RASGRF2: variants seen among roughly 807,000 people sequenced by gnomAD.
RASGRF2 encodes ras-specific guanine nucleotide-releasing factor 2.
A neutral mutation model predicts 151.0 loss-of-function variants in RASGRF2; 76 were observed. The observed-to-expected ratio is 0.50, with a 90% CI of 0.42 to 0.61. RASGRF2 has a LOEUF of 0.61. Among genes scored for constraint, RASGRF2 ranks in the 20% least tolerant of loss-of-function variants. The pLI, the probability that RASGRF2 is intolerant of heterozygous loss-of-function variation, is 0.00. For missense variants in RASGRF2, 1,148 were observed against 1,564.6 expected (o/e 0.73, Z 4.49); for synonymous variants, 504 against 566.5 (o/e 0.89, Z 1.57).
chr5:81,182,709 C>T (rs1754945949), intron 18 of RASGRF2, among the ~76,000 whole-genome samples: 1 of 152,204 alleles, frequency 6.6e-6, no homozygotes, highest in Non-Finnish European at 1.5e-5. Flanking sequence ...ACTGCCTCCT[C>T]TCACCAACTG....
chr5:81,126,440 T>G (rs1488378989), intron 16 of RASGRF2, among the ~76,000 whole-genome samples: 1 of 152,146 alleles, frequency 6.6e-6, no homozygotes, highest in South Asian at 2.1e-4. Flanking sequence ...TTTTTTTAAT[T>G]TAATATATTC....
At chr5:81,085,349 G>A (rs1214091405) in intron 7 of RASGRF2, among the ~76,000 whole-genome samples, 1 of 152,206 alleles carries the variant, frequency 6.6e-6, no homozygotes, top group African/African-American at 2.4e-5. Flanking sequence ...TAATAAAGGT[G>A]AACATGTCTT....
intron 9 of RASGRF2, 42 bp downstream of exon 9, chr5:81,086,995 C>A: frequency 6.6e-7 from 1 of 1,518,742 alleles, no homozygotes; most frequent in Non-Finnish European, 9.1e-7. Flanking sequence ...ATGCGCTGTG[C>A]GGCTGTCACA....
chr5:81,184,836 T>C (rs1443131966), intron 18 of RASGRF2, among the ~76,000 whole-genome samples: 1 of 152,204 alleles, frequency 6.6e-6, no homozygotes, highest in African/African-American at 2.4e-5. Flanking sequence ...TTGGGGTAGG[T>C]GTGGGAGTGA....
At chr5:81,070,797 G>A (rs1751751255) in intron 4 of RASGRF2, among the ~76,000 whole-genome samples, 1 of 152,038 alleles carries the variant, frequency 6.6e-6, no homozygotes, top group Non-Finnish European at 1.5e-5. Flanking sequence ...GCCAAAACCA[G>A]GCATTAAGAC....
At chr5:81,033,257 A>G (rs1310420082) in intron 1 of RASGRF2, among the ~76,000 whole-genome samples, 3 of 147,926 alleles carry the variant, frequency 2.0e-5, no homozygotes, top group Non-Finnish European at 4.5e-5. Flanking sequence ...CATCCCCATC[A>G]AGCTACCAAT....
At chr5:81,113,361 T>A (rs1753054142) in intron 14 of RASGRF2, 177 bp from the exon 15 acceptor site, 1 of 718,770 alleles carries the variant, frequency 1.4e-6, no homozygotes. Context: ...CTAATAAGTG[T>A]CTGTGCTTCT....
In RASGRF2 at chr5:80,960,591, C is replaced by T; in HGVS notation, c.-148C>T. On this transcript the variant is annotated 5_prime_UTR_variant, in exon 1 of 27. Coordinates refer to ENST00000265080, the MANE Select transcript of RASGRF2 (RefSeq NM_006909.3). This position sits in a 1 kb window ranked among gnomAD's most constrained non-coding sequence, Gnocchi z 5.5. ...CGCGCCGCGGCCTCCCGAAAGCGGG[C>T]GGGGTGCCCTGCGCGCGGCGTGGGG... The T allele has an allele frequency of 1.4e-6, 1 of 738,574 alleles. No homozygotes were observed. The highest frequency in any genetic ancestry group is 1.8e-6 in the Non-Finnish European group (1 of 544,034). 45.8% of individuals were successfully genotyped at this position (738,574 alleles called of 1,614,324 possible). A position where few individuals can be genotyped will look rare whatever the true frequency, so the allele number is the denominator to read the frequency against.
Position 81,208,352 on chromosome 5 carries a change from A to G in RASGRF2, c.3072-2A>G. 6.2e-7 allele frequency: 1 copy of G among 1,613,452 alleles called. No homozygotes were observed. The highest frequency in any genetic ancestry group is 1.3e-5 in the African/African-American group (1 of 75,004). ...GTTTTGTGTTTTGTTTTGAACTTCC[A>G]GGGAGTTTCTTGGGCAGGGGTGGAT... On this transcript the variant is annotated splice_acceptor_variant, in intron 21 of 26. Coordinates refer to ENST00000265080, the MANE Select transcript of RASGRF2 (RefSeq NM_006909.3). LOFTEE classifies it high-confidence loss of function.
chr5:81,189,903 G>A (rs916294944), intron 18 of RASGRF2, among the ~76,000 whole-genome samples: 9 of 151,866 alleles, frequency 5.9e-5, no homozygotes, highest in African/African-American at 2.2e-4. Context: ...TAGTGGAAAC[G>A]GGGTTTCACC....
Position 81,011,752 on chromosome 5 carries a change from C to CA in RASGRF2, c.289-31112dup, listed in dbSNP as rs10573749. 4.1e-4 allele frequency among the ~76,000 whole-genome samples: 61 copies of CA among 147,226 alleles called. 1 individual carries two copies. In the East Asian group the frequency reaches 8.5e-3, roughly 21 times the overall value. On this transcript the variant is annotated intron_variant, in intron 1 of 26. Coordinates refer to ENST00000265080, the MANE Select transcript of RASGRF2 (RefSeq NM_006909.3). ...GCGAAACTCCATCTCAACAAACAAA[C>CA]AAAAAAAAAAAAAGGAAAAGAAAAT...
At chr5:81,109,660 C>T (rs1752943561) in intron 13 of RASGRF2, among the ~76,000 whole-genome samples, 2 of 152,050 alleles carry the variant, frequency 1.3e-5, no homozygotes, top group Admixed American at 1.3e-4. Context: ...TGCAAGACTC[C>T]ATTTAAAAAA....
chr5:81,194,256 C>T (rs1398815803), intron 18 of RASGRF2, among the ~76,000 whole-genome samples: 6 of 151,428 alleles, frequency 4.0e-5, no homozygotes, highest in South Asian at 4.2e-4. Flanking sequence ...CTTGGGAGGC[C>T]GAGGTGGCGG....
At chr5:81,021,224 G>A (rs1475495449) in intron 1 of RASGRF2, among the ~76,000 whole-genome samples, 1 of 152,214 alleles carries the variant, frequency 6.6e-6, no homozygotes, top group African/African-American at 2.4e-5. Flanking sequence ...AGATCTGACA[G>A]CTCAGATTTA....
At chr5:81,024,012 T>C (rs929071552) in intron 1 of RASGRF2, among the ~76,000 whole-genome samples, 13 of 152,188 alleles carry the variant, frequency 8.5e-5, no homozygotes. Context: ...TATTTTCCCC[T>C]AGTTTATAAG....
intron 21 of RASGRF2, among the ~76,000 whole-genome samples, chr5:81,207,558 C>T (rs1755537798): frequency 6.6e-6 from 1 of 152,198 alleles, no homozygotes; most frequent in African/African-American, 2.4e-5. Context: ...GGACAAAGAA[C>T]CCTGCCCAGG....
intron 1 of RASGRF2, 66 bp downstream of exon 1, chr5:80,961,092 C>G (rs973265322): frequency 2.2e-6 from 3 of 1,378,096 alleles, no homozygotes; most frequent in Middle Eastern, 2.8e-4. Flanking sequence ...CGTCCTAATC[C>G]GGGGATCAGG....
At chr5:80,994,641 T>C (rs912732879) in intron 1 of RASGRF2, among the ~76,000 whole-genome samples, 1 of 152,170 alleles carries the variant, frequency 6.6e-6, no homozygotes, top group Non-Finnish European at 1.5e-5. Context: ...TTGTGGACTC[T>C]CCTGTGTGAC....
In RASGRF2 at chr5:81,143,329, G is replaced by A. The variant is rs543974743; in HGVS notation, c.2686+16166G>A. On this transcript the variant is annotated intron_variant, in intron 17 of 26. Transcript: ENST00000265080. Reference sequence around the variant, plus strand: ...CGCCTGGCTAATTTTTATATTTTTAGTAGAGATGGGGTTACACCATGTTGG... The same window carrying A: ...CGCCTGGCTAATTTTTATATTTTTAATAGAGATGGGGTTACACCATGTTGG... Among the ~76,000 whole-genome samples the A allele has an allele frequency of 4.0e-5, 6 of 151,770 alleles. No individual in the cohort carries two copies. The South Asian group carries it at 1.3e-3, about 32-fold the overall frequency.
Sources: allele counts gnomAD v4.1 joint callset (sites outside exome capture counted in the v4.1 genomes callset), GRCh38; gene constraint gnomAD v4.1.1; non-coding constraint Gnocchi (gnomAD v3.1); transcripts MANE v1.5; gene names NCBI Gene and HGNC (gene_info 2026-07-23, HGNC 2026-07-21).